Variants in MYO16 observed in about 807,000 individuals in gnomAD.
MYO16 encodes unconventional myosin-XVI.
Under a neutral mutation model 205.3 loss-of-function variants are expected in MYO16, and 94 were observed. The observed-to-expected ratio is 0.46, with a 90% CI of 0.39 to 0.54. The LOEUF (loss-of-function observed/expected upper bound fraction) is 0.54. MYO16 is among the 20% of genes least tolerant of loss of function. MYO16 has a pLI of 0.00. For synonymous variants in MYO16, 988 were observed against 954.0 expected, an observed-to-expected ratio of 1.04 and a Z score of -0.66; for missense variants, 2,315 against 2,387.5, an observed-to-expected ratio of 0.97 and a Z score of 0.63.
At chr13:109,037,302 G>C (rs1886748720) in intron 23 of MYO16, among the ~76,000 whole-genome samples, 1 of 152,218 alleles carries the variant, frequency 6.6e-6, no homozygotes, top group Admixed American at 6.5e-5. Context: ...GTGAAGTCCA[G>C]GTGCTGCGTA....
At chr13:108,671,565 T>A (rs1881989794) in intron 2 of MYO16, among the ~76,000 whole-genome samples, 1 of 152,202 alleles carries the variant, frequency 6.6e-6, no homozygotes, top group Admixed American at 6.5e-5. Flanking sequence ...TAGAACTCAA[T>A]GAAAGAGTCT....
At chr13:109,080,166 T>C (rs983925437) in intron 27 of MYO16, among the ~76,000 whole-genome samples, 4 of 152,148 alleles carry the variant, frequency 2.6e-5, no homozygotes, top group Non-Finnish European at 5.9e-5. Flanking sequence ...TGAGCCACCA[T>C]GTCCAGCCTG....
At chr13:108,678,341 C>T (rs1406745448) in intron 2 of MYO16, among the ~76,000 whole-genome samples, 3 of 152,120 alleles carry the variant, frequency 2.0e-5, no homozygotes, top group Non-Finnish European at 2.9e-5. Flanking sequence ...TTTCATGATC[C>T]ACAGAACAGA....
At chr13:109,013,949 G>A (rs1048522751) in intron 22 of MYO16, among the ~76,000 whole-genome samples, 4 of 152,206 alleles carry the variant, frequency 2.6e-5, no homozygotes, top group South Asian at 2.1e-4. Flanking sequence ...TTCTTTTACT[G>A]TGCAGAAACT....
At chr13:109,077,642 C>T (rs1008242264) in intron 27 of MYO16, among the ~76,000 whole-genome samples, 9 of 152,144 alleles carry the variant, frequency 5.9e-5, no homozygotes, top group Non-Finnish European at 7.4e-5. Context: ...CTGTCTTGCA[C>T]TTTTTCCAAG....
At chr13:109,080,579 CAA>C (rs5806782) in intron 27 of MYO16, among the ~76,000 whole-genome samples, 80,426 of 145,710 alleles carry the variant, frequency 0.55, 21,968 homozygotes, top group Non-Finnish European at 0.61. Flanking sequence ...TGCCCCTCTT[CAA>C]AAAAAAAAAA....
intron 28 of MYO16, among the ~76,000 whole-genome samples, chr13:109,104,676 A>T (rs1027125862): frequency 6.6e-6 from 1 of 152,136 alleles, no homozygotes; most frequent in African/African-American, 2.4e-5. Flanking sequence ...GGTGGGGGCA[A>T]CTCATAGGCG....
intron 1 of MYO16, among the ~76,000 whole-genome samples, chr13:108,607,364 G>A (rs1878997474): frequency 1.3e-5 from 2 of 152,098 alleles, no homozygotes; most frequent in African/African-American, 4.8e-5. Flanking sequence ...CTACGTGTTG[G>A]GGGAGGGACC....
intron 2 of MYO16, among the ~76,000 whole-genome samples, chr13:108,685,610 C>A (rs576795827): frequency 2.0e-5 from 3 of 152,242 alleles, no homozygotes; most frequent in African/African-American, 7.2e-5. Flanking sequence ...GCTGGGAGGG[C>A]CTTCAAATAT....
intron 2 of MYO16, among the ~76,000 whole-genome samples, chr13:108,669,592 G>T (rs1278543660): frequency 6.6e-6 from 1 of 152,072 alleles, no homozygotes; most frequent in Non-Finnish European, 1.5e-5. Context: ...AGCTTTGTAG[G>T]CCACATAAAT....
chr13:108,994,199 A>AT (rs1414333364), intron 21 of MYO16, among the ~76,000 whole-genome samples: 1 of 152,168 alleles, frequency 6.6e-6, no homozygotes, highest in Admixed American at 6.6e-5. Context: ...TAGTAATGGC[A>AT]TTTTTTTCAC....
intron 23 of MYO16, among the ~76,000 whole-genome samples, chr13:109,021,646 T>C (rs1421482299): frequency 6.6e-6 from 1 of 152,182 alleles, no homozygotes; most frequent in Non-Finnish European, 1.5e-5. Context: ...GCATGGGCGA[T>C]GCCATTCCAA....
intron 16 of MYO16, among the ~76,000 whole-genome samples, chr13:108,954,562 A>C (rs541930838): frequency 6.6e-6 from 1 of 152,140 alleles, no homozygotes; most frequent in South Asian, 2.1e-4. Context: ...GCAACATGGC[A>C]AGACCCTGTC....
chr13:108,846,360 T>A (rs1019898005), intron 10 of MYO16, among the ~76,000 whole-genome samples: 8 of 152,170 alleles, frequency 5.3e-5, no homozygotes, highest in African/African-American at 1.7e-4. Context: ...GTTTCCTAAT[T>A]GTTTTCATGG....
At chr13:109,068,953 T>G (rs1025325573) in intron 27 of MYO16, among the ~76,000 whole-genome samples, 1 of 152,170 alleles carries the variant, frequency 6.6e-6, no homozygotes, top group Non-Finnish European at 1.5e-5. Context: ...ATGTGTTACT[T>G]TATCGATCTC....
chr13:108,740,923 C>A (rs1172015502), intron 4 of MYO16, among the ~76,000 whole-genome samples: 1 of 152,156 alleles, frequency 6.6e-6, no homozygotes, highest in Non-Finnish European at 1.5e-5. Context: ...GGGCGTGGGA[C>A]CCTCTGAGCC....
chr13:108,602,541 AT>A (rs1566499750), intron 1 of MYO16, among the ~76,000 whole-genome samples: 1 of 151,776 alleles, frequency 6.6e-6, no homozygotes, highest in Non-Finnish European at 1.5e-5. Context: ...TATGTCACTA[AT>A]AAATGAAAAC....
intron 20 of MYO16, among the ~76,000 whole-genome samples, chr13:108,973,331 AAG>A (rs72102861): frequency 6.6e-6 from 1 of 152,146 alleles, no homozygotes; most frequent in Non-Finnish European, 1.5e-5. Flanking sequence ...CCAATGAAAA[AAG>A]AGAGAATGTT....
chr13:109,185,552 T>C (rs1879652149), intron 34 of MYO16, among the ~76,000 whole-genome samples: 1 of 152,218 alleles, frequency 6.6e-6, no homozygotes, highest in South Asian at 2.1e-4. Flanking sequence ...ACCCAATATT[T>C]TTCTGGGATT....
Sources: gnomAD v4.1 joint callset for allele counts (sites outside exome capture counted in the v4.1 genomes callset) on GRCh38, gnomAD v4.1.1 for gene constraint, MANE v1.5 for transcripts, NCBI Gene and HGNC (gene_info 2026-07-23, HGNC 2026-07-21) for gene names.